COP1: variants seen among roughly 807,000 people sequenced by gnomAD.
The protein encoded by COP1 is COP1 E3 ubiquitin ligase.
COP1 carries 24 observed loss-of-function variants against 101.3 expected under a neutral mutation model. The observed-to-expected ratio is 0.24, with a 90% CI of 0.17 to 0.33. The LOEUF (loss-of-function observed/expected upper bound fraction) is 0.33, where lower values mean the gene tolerates loss of function less well. Among genes scored for constraint, COP1 ranks in the 10% least tolerant of loss-of-function variants. COP1 has a pLI of 1.00. For missense variants in COP1, 663 were observed against 906.2 expected (o/e 0.73, Z 3.45); for synonymous variants, 347 against 341.9 (o/e 1.01, Z -0.17).
At chr1:176,010,850 C>G (rs1664533372) in intron 15 of COP1, among the ~76,000 whole-genome samples, 1 of 152,266 alleles carries the variant, frequency 6.6e-6, no homozygotes, top group South Asian at 2.1e-4. Flanking sequence ...TAATACTTGA[C>G]TCTTCATAGA....
chr1:175,985,285 C>CG (rs1656835999), intron 18 of COP1, among the ~76,000 whole-genome samples: 2 of 152,084 alleles, frequency 1.3e-5, no homozygotes, highest in Non-Finnish European at 1.5e-5. Flanking sequence ...TTCATGCTGT[C>CG]TTCTCTTTTA....
intron 5 of COP1, among the ~76,000 whole-genome samples, chr1:176,149,849 A>G (rs1460953678): frequency 1.3e-5 from 2 of 152,110 alleles, no homozygotes; most frequent in Admixed American, 1.3e-4. Flanking sequence ...TAAAATAACA[A>G]TAAGAGACAG....
chr1:176,133,549 A>G (rs1356506543), intron 8 of COP1, among the ~76,000 whole-genome samples: 2 of 151,884 alleles, frequency 1.3e-5, no homozygotes, highest in African/African-American at 4.8e-5. Context: ...CTCCATACAC[A>G]CATCCCAAAA....
At chr1:176,081,091 C>T in intron 11 of COP1, 61 bp downstream of exon 11, 1 of 1,411,104 alleles carries the variant, frequency 7.1e-7, no homozygotes, top group Non-Finnish European at 9.8e-7. Context: ...AAGTGCTTCT[C>T]AAATTCAATT....
At chr1:175,945,454 C>CAA (rs1649048325) in intron 19 of COP1, among the ~76,000 whole-genome samples, 1 of 152,160 alleles carries the variant, frequency 6.6e-6, no homozygotes, top group African/African-American at 2.4e-5. Context: ...ATGCATAGCA[C>CAA]AAATACATTT....
At chr1:176,083,810 G>A (rs1383646529) in intron 10 of COP1, among the ~76,000 whole-genome samples, 4 of 152,186 alleles carry the variant, frequency 2.6e-5, no homozygotes, top group East Asian at 1.9e-4. Context: ...TTTACAGTCA[G>A]AGGTACTAGG....
chr1:176,096,431 CAT>C (rs1388307951), intron 9 of COP1, among the ~76,000 whole-genome samples: 2 of 152,216 alleles, frequency 1.3e-5, no homozygotes, highest in South Asian at 2.1e-4. Context: ...ATGTCTGCCA[CAT>C]GAGTGCAGTG....
chr1:176,102,644 C>G (rs778844962), intron 9 of COP1, among the ~76,000 whole-genome samples: 6 of 152,190 alleles, frequency 3.9e-5, no homozygotes, highest in Non-Finnish European at 7.3e-5. Context: ...CTCCTTCTTG[C>G]CTGGGGACTA....
At chr1:176,200,304 A>T (rs1336362215) in intron 1 of COP1, among the ~76,000 whole-genome samples, 2 of 152,232 alleles carry the variant, frequency 1.3e-5, no homozygotes, top group Admixed American at 1.3e-4. Flanking sequence ...ACTTGAGTGG[A>T]CTTGGCATTT....
intron 11 of COP1, among the ~76,000 whole-genome samples, chr1:176,063,383 G>C (rs2149310113): frequency 6.6e-6 from 1 of 152,296 alleles, no homozygotes; most frequent in African/African-American, 2.4e-5. Context: ...TGTTTTGACT[G>C]TCATTAACAC....
chr1:176,138,842 T>C (rs1042697820), intron 6 of COP1, among the ~76,000 whole-genome samples: 8 of 152,144 alleles, frequency 5.3e-5, no homozygotes, highest in African/African-American at 1.9e-4. Context: ...CATTTTCAAC[T>C]CCAGCATCCA....
chr1:176,195,959 A>G (rs1473662389), intron 1 of COP1, among the ~76,000 whole-genome samples: 1 of 152,220 alleles, frequency 6.6e-6, no homozygotes, highest in Non-Finnish European at 1.5e-5. Flanking sequence ...TGACAAGATC[A>G]CTAGCATCAC....
rs1433979355 is a variant in COP1 at position 176,085,756 on chromosome 1, GAGA to G, written c.1141+17_1141+19del. 4 of 1,338,922 alleles carry G rather than the reference GAGA, an allele frequency of 3.0e-6. No homozygotes were observed. The highest frequency in any genetic ancestry group is 1.4e-5 in the African/African-American group (1 of 69,396). 82.9% of individuals were successfully genotyped at this position (1,338,922 alleles called of 1,614,324 possible). On this transcript the variant is annotated intron_variant, in intron 10 of 19. Coordinates refer to ENST00000367669, the MANE Select transcript of COP1 (RefSeq NM_022457.7). ...CTGAAATGTAGATTTCAGATAATTT[GAGA>G]AGGTCTAAATATATACCTGAGATAC...
intron 6 of COP1, among the ~76,000 whole-genome samples, chr1:176,147,269 C>G (rs76961681): frequency 6.6e-6 from 1 of 152,124 alleles, no homozygotes; most frequent in East Asian, 1.9e-4. Flanking sequence ...TCTGTCTGCA[C>G]TAAAACATAT....
chr1:176,016,177 A>G (rs1374844273), intron 15 of COP1, among the ~76,000 whole-genome samples: 1 of 152,186 alleles, frequency 6.6e-6, no homozygotes, highest in Non-Finnish European at 1.5e-5. Context: ...TGGAATTGAG[A>G]TAACTATTCA....
At chr1:176,171,232 T>A (rs540174966) in intron 3 of COP1, among the ~76,000 whole-genome samples, 96 of 152,108 alleles carry the variant, frequency 6.3e-4, no homozygotes, top group African/African-American at 2.3e-3. Flanking sequence ...TTCTGGATAA[T>A]TTGCTACAGC....
chr1:176,063,932 C>T (rs918465216), intron 11 of COP1, among the ~76,000 whole-genome samples: 3 of 152,158 alleles, frequency 2.0e-5, no homozygotes, highest in Non-Finnish European at 4.4e-5. Flanking sequence ...AATAGCCACT[C>T]ATCACAAATA....
intron 5 of COP1, among the ~76,000 whole-genome samples, chr1:176,155,539 G>A (rs746885726): frequency 1.3e-5 from 2 of 151,824 alleles, no homozygotes; most frequent in African/African-American, 4.8e-5. Context: ...AAACCTACAG[G>A]GAAAGGAAGG....
At chr1:176,033,954 G>C (rs1669060519) in intron 14 of COP1, among the ~76,000 whole-genome samples, 1 of 152,052 alleles carries the variant, frequency 6.6e-6, no homozygotes, top group South Asian at 2.1e-4. Flanking sequence ...AAACAGACAA[G>C]AGTAATAAAT....
Sources: gnomAD v4.1 joint callset for allele counts (sites outside exome capture counted in the v4.1 genomes callset) on GRCh38, gnomAD v4.1.1 for gene constraint, MANE v1.5 for transcripts, NCBI Gene and HGNC (gene_info 2026-07-23, HGNC 2026-07-21) for gene names.